MAN2A1: variants seen among roughly 807,000 people sequenced by gnomAD.
The protein encoded by MAN2A1 is alpha-mannosidase 2.
In MAN2A1, 76 loss-of-function variants were observed where a neutral mutation model predicts 142.6. The ratio of observed to expected loss-of-function variants is 0.53; its 90% CI spans 0.44 to 0.65. The LOEUF (loss-of-function observed/expected upper bound fraction) is 0.65, where lower values mean the gene tolerates loss of function less well. MAN2A1 is among the 30% of genes least tolerant of loss of function. The pLI is 0.00. For missense variants in MAN2A1, 1,311 were observed against 1,365.1 expected (o/e 0.96, Z 0.62); for synonymous variants, 559 against 473.2 (o/e 1.18, Z -2.35).
intron 12 of MAN2A1, among the ~76,000 whole-genome samples, chr5:109,800,641 A>G (rs1256590702): frequency 2.6e-5 from 4 of 152,238 alleles, no homozygotes. Context: ...TTTTTAAAAG[A>G]TGCCTAAATT....
At chr5:109,801,715 T>C (rs1414940354) in intron 12 of MAN2A1, among the ~76,000 whole-genome samples, 1 of 152,132 alleles carries the variant, frequency 6.6e-6, no homozygotes, top group African/African-American at 2.4e-5. Flanking sequence ...AATAAATCAG[T>C]AATGGTTGTT....
chr5:109,728,633 G>GA (rs981806680), intron 3 of MAN2A1, among the ~76,000 whole-genome samples: 4 of 152,072 alleles, frequency 2.6e-5, no homozygotes, highest in African/African-American at 9.7e-5. Context: ...GAAAGTAGAG[G>GA]AAAAAACAGG....
At chr5:109,712,256 C>T (rs924415412) in intron 1 of MAN2A1, among the ~76,000 whole-genome samples, 1 of 152,084 alleles carries the variant, frequency 6.6e-6, no homozygotes, top group Non-Finnish European at 1.5e-5. Context: ...TGAGTATAAA[C>T]CTTATATCTT....
At chr5:109,798,985 C>T (rs1261498952) in intron 12 of MAN2A1, among the ~76,000 whole-genome samples, 1 of 152,146 alleles carries the variant, frequency 6.6e-6, no homozygotes, top group Non-Finnish European at 1.5e-5. Context: ...AGCCATCGCA[C>T]CCAGCCTCAT....
At chr5:109,840,657 G>T (rs1451704422) in intron 16 of MAN2A1, 5 of 453,618 alleles carry the variant, frequency 1.1e-5, no homozygotes, top group Admixed American at 2.4e-5. Context: ...ACATTTTCAG[G>T]TTCTACAGCA....
chr5:109,760,375 G>A (rs956680336), intron 5 of MAN2A1, among the ~76,000 whole-genome samples: 4 of 152,070 alleles, frequency 2.6e-5, no homozygotes, highest in African/African-American at 7.2e-5. Context: ...TCTTTATCCA[G>A]TTTATCATTG....
intron 5 of MAN2A1, among the ~76,000 whole-genome samples, chr5:109,759,863 T>A (rs34837720): frequency 0.18 from 26,644 of 151,962 alleles, 3,292 homozygotes; most frequent in East Asian, 0.64. Flanking sequence ...ATGCTGAGTA[T>A]GTTTTGTTGT....
rs781125601 is a variant in MAN2A1, at chr5:109,716,257, C to T, written c.528C>T (p.Asn176=). ...LQVFVVPHSH[N]DPGWLKTFND... ...TCTTTGTGGTGCCTCATTCCCATAA[C>T]GACCCAGGTAAAATTTGCACTTCAA... is the stretch of plus-strand genomic sequence containing the variant. Residue 176 remains asparagine (N), a synonymous_variant, in exon 3 of 22, where the codon AAC becomes AAT. Transcript: ENST00000261483. 45 of 1,598,848 alleles carry T rather than the reference C, an allele frequency of 2.8e-5. No homozygotes were observed. Among genetic ancestry groups the T allele is most frequent in the Non-Finnish European group, 3.6e-5 (42 of 1,173,096 alleles).
intron 4 of MAN2A1, among the ~76,000 whole-genome samples, chr5:109,740,526 C>CTTG (rs35671906): frequency 0.18 from 26,627 of 152,046 alleles, 3,268 homozygotes; most frequent in East Asian, 0.64. Flanking sequence ...GCCAGCCATG[C>CTTG]TTGGCTCTCT....
chr5:109,819,548 G>T, intron 13 of MAN2A1, 121 bp from the exon 14 acceptor site: 1 of 546,816 alleles, frequency 1.8e-6, no homozygotes, highest in Non-Finnish European at 3.1e-6. Context: ...GATATGGAGG[G>T]CCAACTGGAT....
chr5:109,797,253 A>C (rs1753887580), intron 12 of MAN2A1, among the ~76,000 whole-genome samples: 7 of 152,088 alleles, frequency 4.6e-5, no homozygotes, highest in Admixed American at 4.6e-4. Flanking sequence ...ACCAGATGAA[A>C]ATTTTTTTAA....
intron 12 of MAN2A1, among the ~76,000 whole-genome samples, chr5:109,806,146 AGG>A: frequency 6.6e-6 from 1 of 152,180 alleles, no homozygotes; most frequent in South Asian, 2.1e-4. Flanking sequence ...AGGCAGGGGG[AGG>A]GTAATGGGAT....
At chr5:109,762,182 AGTG>A (rs951240145) in intron 5 of MAN2A1, among the ~76,000 whole-genome samples, 3 of 152,134 alleles carry the variant, frequency 2.0e-5, no homozygotes, top group Non-Finnish European at 2.9e-5. Context: ...GAGATAGTAA[AGTG>A]TTTAAAGCTA....
At chr5:109,787,331 C>G (rs1753620192) in intron 10 of MAN2A1, among the ~76,000 whole-genome samples, 1 of 151,928 alleles carries the variant, frequency 6.6e-6, no homozygotes, top group Admixed American at 6.6e-5. Flanking sequence ...ATACAACAAC[C>G]ATAACAGCAA....
intron 8 of MAN2A1, among the ~76,000 whole-genome samples, chr5:109,775,626 C>T (rs113689198): frequency 2.0e-5 from 3 of 151,992 alleles, no homozygotes; most frequent in African/African-American, 7.2e-5. Context: ...ACACTGCTGT[C>T]TCACTCCTCC....
At chr5:109,843,775 T>A (rs1445488746) in intron 17 of MAN2A1, among the ~76,000 whole-genome samples, 1 of 152,240 alleles carries the variant, frequency 6.6e-6, no homozygotes, top group African/African-American at 2.4e-5. Flanking sequence ...CACTTTTGAT[T>A]GTTACCTAAA....
At chr5:109,821,154 G>T (rs1338220861) in intron 15 of MAN2A1, among the ~76,000 whole-genome samples, 3 of 152,064 alleles carry the variant, frequency 2.0e-5, no homozygotes, top group Non-Finnish European at 4.4e-5. Flanking sequence ...CCAACATTTG[G>T]ATGTATTTCT....
At chr5:109,773,870 A>G (rs1561505171) in intron 7 of MAN2A1, among the ~76,000 whole-genome samples, 1 of 152,194 alleles carries the variant, frequency 6.6e-6, no homozygotes, top group Non-Finnish European at 1.5e-5. Flanking sequence ...AAATTATAAA[A>G]ATACTTGTCG....
At chr5:109,832,266 A>G (rs1200640839) in intron 16 of MAN2A1, among the ~76,000 whole-genome samples, 11 of 148,164 alleles carry the variant, frequency 7.4e-5, no homozygotes, top group African/African-American at 2.7e-4. Flanking sequence ...AGGGAAGGTC[A>G]GCAGATAAAC....
Sources: gnomAD v4.1 joint callset for allele counts (sites outside exome capture counted in the v4.1 genomes callset) on GRCh38, gnomAD v4.1.1 for gene constraint, MANE v1.5 for transcripts, NCBI Gene and HGNC (gene_info 2026-07-23, HGNC 2026-07-21) for gene names.